The following NRXN1 variants were observed in gnomAD, a reference collection of about 807,000 sequenced individuals.
NRXN1 encodes neurexin-1.
Under a neutral mutation model 150.9 loss-of-function variants are expected in NRXN1, and 39 were observed. That is an observed-to-expected ratio of 0.26 (90% CI 0.20 to 0.34). NRXN1 has a LOEUF of 0.34. NRXN1 is among the 10% of genes least tolerant of loss of function. The probability of loss-of-function intolerance (pLI) is 1.00; values close to 1 mark genes in which losing one functional copy is unlikely to be tolerated. For missense variants in NRXN1, 1,815 were observed against 1,949.9 expected (o/e 0.93, Z 1.30); for synonymous variants, 924 against 757.0 (o/e 1.22, Z -3.62).
chr2:50,344,771 C>T lies in NRXN1; in HGVS notation c.3365-107801G>A, dbSNP rs552690341. Among the ~76,000 whole-genome samples, 4 of 152,298 alleles carry T rather than the reference C, an allele frequency of 2.6e-5. No individual in the cohort carries two copies. In the East Asian group the frequency reaches 7.7e-4, roughly 29 times the overall value. ...TTGGTCTTCTCCTCTCCCACGTCCC[C>T]AGCAGCCTTATCCCTCTGGAGAGAG... On this transcript the variant is annotated intron_variant, in intron 17 of 22. Coordinates refer to ENST00000401669, the MANE Select transcript of NRXN1 (RefSeq NM_001330078.2).
At chr2:50,556,043 A>G (rs1668201889) in intron 8 of NRXN1, among the ~76,000 whole-genome samples, 1 of 152,184 alleles carries the variant, frequency 6.6e-6, no homozygotes, top group Non-Finnish European at 1.5e-5. Flanking sequence ...TCTTGAGAAG[A>G]AGCACACTAT....
intron 8 of NRXN1, among the ~76,000 whole-genome samples, chr2:50,569,224 G>C (rs763304346): frequency 1.6e-4 from 25 of 152,008 alleles, no homozygotes; most frequent in Non-Finnish European, 3.2e-4. Flanking sequence ...TCTAGTATTT[G>C]ATATCACAAC....
chr2:50,635,045 C>T (rs375900260), intron 5 of NRXN1, among the ~76,000 whole-genome samples: 2 of 152,188 alleles, frequency 1.3e-5, no homozygotes, highest in Non-Finnish European at 2.9e-5. Flanking sequence ...CAGCTAGTGG[C>T]CTTCTTGTGA....
chr2:50,980,609 A>G (rs2104878378), intron 2 of NRXN1, among the ~76,000 whole-genome samples: 1 of 152,254 alleles, frequency 6.6e-6, no homozygotes, highest in South Asian at 2.1e-4. Context: ...GCTAGTTTCT[A>G]TTATGAAGCA....
chr2:50,727,237 T>C (rs1281115985), intron 5 of NRXN1, among the ~76,000 whole-genome samples: 2 of 152,322 alleles, frequency 1.3e-5, no homozygotes, highest in East Asian at 3.9e-4. Context: ...AAAGCAAAAC[T>C]GCTACTTATG....
At chr2:50,643,357 A>C (rs966679419) in intron 5 of NRXN1, among the ~76,000 whole-genome samples, 12 of 151,972 alleles carry the variant, frequency 7.9e-5, no homozygotes, top group African/African-American at 2.9e-4. Flanking sequence ...TTATAAAATT[A>C]TTAGCATGGA....
intron 17 of NRXN1, among the ~76,000 whole-genome samples, chr2:50,376,584 C>A (rs1453050036): frequency 6.6e-6 from 1 of 151,972 alleles, no homozygotes; most frequent in Non-Finnish European, 1.5e-5. Flanking sequence ...AAGGTATGAG[C>A]AAATATATTT....
intron 11 of NRXN1, 79 bp from the exon 12 acceptor site, chr2:50,528,730 C>G: frequency 1.1e-6 from 1 of 872,336 alleles, no homozygotes; most frequent in Non-Finnish European, 1.8e-6. Flanking sequence ...AAATTACAGT[C>G]CACCCTTCCG....
chr2:50,233,568 T>A (rs1446109262), intron 18 of NRXN1, among the ~76,000 whole-genome samples: 2 of 152,102 alleles, frequency 1.3e-5, no homozygotes, highest in Non-Finnish European at 2.9e-5. Flanking sequence ...AACTTTCTAA[T>A]TTATTGGCTT....
At chr2:50,875,996 T>C (rs934686318) in intron 5 of NRXN1, among the ~76,000 whole-genome samples, 4 of 151,830 alleles carry the variant, frequency 2.6e-5, no homozygotes, top group Non-Finnish European at 5.9e-5. Context: ...TGTTGTTTAT[T>C]AGACTGACTC....
In NRXN1 at chr2:50,112,739, G is replaced by A. The variant is rs926604013; in HGVS notation, c.3547-21245C>T. Reference sequence around the variant, plus strand: ...CCACTGTTTCCTTTACTAAAATGCAGCATAAAATTCATACCTGCCTCAGAG... The same window carrying A: ...CCACTGTTTCCTTTACTAAAATGCAACATAAAATTCATACCTGCCTCAGAG... On this transcript the variant is annotated intron_variant, in intron 18 of 22. Coordinates refer to ENST00000401669, the MANE Select transcript of NRXN1 (RefSeq NM_001330078.2). Among the ~76,000 whole-genome samples, 6 of 151,994 alleles carry A rather than the reference G, an allele frequency of 3.9e-5. No individual in the cohort carries two copies. The South Asian group carries it at 1.2e-3, about 32-fold the overall frequency.
At chr2:50,086,424 C>G (rs754662824) in intron 19 of NRXN1, among the ~76,000 whole-genome samples, 13 of 152,060 alleles carry the variant, frequency 8.5e-5, no homozygotes, top group African/African-American at 3.1e-4. Flanking sequence ...CTCTTCCAGA[C>G]AAATTGCATG....
chr2:50,840,651 T>C (rs1303595419), intron 5 of NRXN1, among the ~76,000 whole-genome samples: 3 of 152,074 alleles, frequency 2.0e-5, no homozygotes, highest in African/African-American at 7.2e-5. Flanking sequence ...GGATTCATGG[T>C]TACACACAAA....
chr2:50,317,972 A>T (rs1165300038), intron 17 of NRXN1, among the ~76,000 whole-genome samples: 1 of 152,066 alleles, frequency 6.6e-6, no homozygotes, highest in African/African-American at 2.4e-5. Flanking sequence ...AATACAAACT[A>T]TAAAGGGAAA....
At chr2:50,840,063 T>C (rs920108942) in intron 5 of NRXN1, among the ~76,000 whole-genome samples, 2 of 152,156 alleles carry the variant, frequency 1.3e-5, no homozygotes, top group East Asian at 3.9e-4. Flanking sequence ...CTTTTACATG[T>C]ATTTAATCCT....
At chr2:50,490,958 A>G (rs1053599622) in intron 15 of NRXN1, among the ~76,000 whole-genome samples, 1 of 152,202 alleles carries the variant, frequency 6.6e-6, no homozygotes, top group Non-Finnish European at 1.5e-5. Context: ...GACTAAAAAA[A>G]AAAGTAACCT....
intron 21 of NRXN1, among the ~76,000 whole-genome samples, chr2:49,979,906 G>GTTTTTTTT (rs958895922): frequency 6.1e-5 from 4 of 65,988 alleles, no homozygotes; most frequent in African/African-American, 9.1e-5. Flanking sequence ...TGTTTTTTTG[G>GTTTTTTTT]TTTTTTTTTT....
In NRXN1 at chr2:50,346,662, C is replaced by T. The variant is rs374338259; in HGVS notation, c.3365-109692G>A. On this transcript the variant is annotated intron_variant, in intron 17 of 22. Transcript: ENST00000401669. The surrounding 1 kb of genome is among the most constrained non-coding windows in gnomAD (Gnocchi z 5.0). ...TAGAAAGAGGGGAGCGAGGGGATAACCCGCGAGAACTTGGCATCGCAGACC... is the reference window on the plus strand; with the variant it reads ...TAGAAAGAGGGGAGCGAGGGGATAATCCGCGAGAACTTGGCATCGCAGACC... The T allele has an allele frequency of 5.0e-6, 8 of 1,610,734 alleles. No individual in the cohort carries two copies. The highest frequency in any genetic ancestry group is 3.3e-5 in the Admixed American group (2 of 59,940).
intron 5 of NRXN1, among the ~76,000 whole-genome samples, chr2:50,845,180 A>G (rs1031294885): frequency 2.8e-4 from 42 of 152,154 alleles, no homozygotes; most frequent in African/African-American, 9.9e-4. Flanking sequence ...TGCCTCTGAG[A>G]AAAGTAAGGG....
Sources: gnomAD v4.1 joint callset for allele counts (sites outside exome capture counted in the v4.1 genomes callset) on GRCh38, gnomAD v4.1.1 for gene constraint, Gnocchi (gnomAD v3.1) non-coding constraint, MANE v1.5 for transcripts, NCBI Gene and HGNC (gene_info 2026-07-23, HGNC 2026-07-21) for gene names.